Variants in CNTLN observed in about 807,000 individuals in gnomAD.
The protein encoded by CNTLN is centlein.
In CNTLN, 212 loss-of-function variants were observed where a neutral mutation model predicts 180.0. The observed-to-expected ratio is 1.18, with a 90% CI of 1.05 to 1.32. The LOEUF is 1.32. CNTLN is among the 40% of genes most tolerant of loss of function. CNTLN has a pLI of 0.00. For synonymous variants in CNTLN, 722 were observed against 563.1 expected (o/e 1.28, Z -3.99); for missense variants, 2,095 against 1,610.9 (o/e 1.30, Z -5.14).
At chr9:17,203,242 G>A (rs1822676164) in intron 2 of CNTLN, among the ~76,000 whole-genome samples, 1 of 152,156 alleles carries the variant, frequency 6.6e-6, no homozygotes, top group South Asian at 2.1e-4. Context: ...TAGGTGACCT[G>A]ACCTTTCTCT....
chr9:17,269,548 G>C (rs1827782813), intron 5 of CNTLN, among the ~76,000 whole-genome samples: 1 of 151,934 alleles, frequency 6.6e-6, no homozygotes, highest in Non-Finnish European at 1.5e-5. Context: ...AGAATGTTTT[G>C]CTTAATTTCC....
intron 12 of CNTLN, among the ~76,000 whole-genome samples, chr9:17,359,620 G>A (rs1049393681): frequency 6.7e-6 from 1 of 150,042 alleles, no homozygotes; most frequent in African/African-American, 2.5e-5. Context: ...GGTGGCTCAC[G>A]CCTGTAATCC....
intron 18 of CNTLN, among the ~76,000 whole-genome samples, chr9:17,422,603 C>G (rs1435753819): frequency 6.6e-6 from 1 of 152,100 alleles, no homozygotes; most frequent in African/African-American, 2.4e-5. Flanking sequence ...TGATAGGATT[C>G]TGAATTTTTT....
the CNTLN span, among the ~76,000 whole-genome samples, chr9:17,515,634 C>A: frequency 2.8e-3 from 421 of 152,224 alleles, 3 homozygotes; most frequent in African/African-American, 9.6e-3. Context: ...CCTGTCTCCT[C>A]TTTTTACTCA....
chr9:17,269,403 A>T (rs377378997), intron 5 of CNTLN, among the ~76,000 whole-genome samples: 5 of 152,286 alleles, frequency 3.3e-5, no homozygotes, highest in African/African-American at 4.8e-5. Context: ...TAACAGCTAT[A>T]AACTTGCCTC....
intron 2 of CNTLN, among the ~76,000 whole-genome samples, chr9:17,197,838 A>G (rs1437058293): frequency 1.3e-5 from 2 of 152,092 alleles, no homozygotes; most frequent in African/African-American, 2.4e-5. Context: ...AGTTCCCCCA[A>G]TGTTTTCTTT....
chr9:17,343,577 T>C lies in CNTLN; in HGVS notation c.1886+1133T>C, dbSNP rs1821648269. On this transcript the variant is annotated intron_variant, in intron 12 of 25. Coordinates refer to ENST00000380647, the MANE Select transcript of CNTLN (RefSeq NM_017738.4). ...GTATACTCTATTAGTTCTAAATATTTGATGCTATAATGAAGGCTCTTATCT... is the reference window on the plus strand; with the variant it reads ...GTATACTCTATTAGTTCTAAATATTCGATGCTATAATGAAGGCTCTTATCT... Among the ~76,000 whole-genome samples, 3 of 152,180 alleles carry C rather than the reference T, an allele frequency of 2.0e-5. 1 individual carries two copies. The South Asian group carries it at 6.2e-4, about 32-fold the overall frequency.
rs1199553213 is a variant in CNTLN at position 17,465,986 on chromosome 9, G to T, written c.3537G>T (p.Lys1179Asn). The T allele has an allele frequency of 1.6e-5, 25 of 1,599,922 alleles. No individual in the cohort carries two copies. The highest frequency in any genetic ancestry group is 2.1e-5 in the Non-Finnish European group (25 of 1,170,638). ...CCTTTATGCTTTTAATGTAGGTAAA[G>T]ACATTAACTGAAGAATGTTCCAACA... ...EMLQNLDKKV[K>N]TLTEECSNKK... The change falls in exon 22 of 26, where the codon AAG becomes AAT. Residue 1179 changes from lysine (K) to asparagine (N), a missense_variant. Transcript: ENST00000380647.
chr9:17,210,928 T>G (rs916361483), intron 2 of CNTLN, among the ~76,000 whole-genome samples: 8 of 152,202 alleles, frequency 5.3e-5, no homozygotes, highest in African/African-American at 1.9e-4. Context: ...TAAATTTGTT[T>G]GAGTTCATTG....
chr9:17,284,897 G>C (rs1036344535), intron 6 of CNTLN, among the ~76,000 whole-genome samples: 20 of 151,862 alleles, frequency 1.3e-4, no homozygotes, highest in African/African-American at 4.8e-4. Context: ...GGCAGTTAGT[G>C]CTATAAATTT....
chr9:17,466,915 A>T lies in CNTLN; in HGVS notation c.3855+24A>T, dbSNP rs372528680. 20 of 1,581,726 alleles carry T rather than the reference A, an allele frequency of 1.3e-5. No homozygotes were observed. In the East Asian group the frequency reaches 1.8e-4, roughly 14 times the overall value. ...AGGTTTGAATTACTTGTCGTTTACT[A>T]ACTTGTACTTTACTTTAGGCAGATA... On this transcript the variant is annotated intron_variant, in intron 23 of 25. Transcript: ENST00000380647.
chr9:17,439,263 C>T (rs1156680017), intron 18 of CNTLN, among the ~76,000 whole-genome samples: 1 of 151,902 alleles, frequency 6.6e-6, no homozygotes, highest in African/African-American at 2.4e-5. Context: ...TTTAACAGAG[C>T]AATAAAAAGT....
At chr9:17,267,975 G>A (rs982997880) in intron 5 of CNTLN, among the ~76,000 whole-genome samples, 16 of 151,904 alleles carry the variant, frequency 1.1e-4, no homozygotes, top group African/African-American at 3.9e-4. Flanking sequence ...CTTTCCCATT[G>A]GTTTGAATTT....
At chr9:17,213,830 A>G (rs1203653435) in intron 2 of CNTLN, among the ~76,000 whole-genome samples, 2 of 151,660 alleles carry the variant, frequency 1.3e-5, no homozygotes, top group Admixed American at 6.6e-5. Context: ...TTGTCTCTTG[A>G]TCTTTGTTGA....
At chr9:17,521,265 A>AAGAGAGAGAGAGG in the CNTLN span, among the ~76,000 whole-genome samples, 1 of 118,508 alleles carries the variant, frequency 8.4e-6, no homozygotes, top group African/African-American at 3.1e-5. Context: ...AAGGGAGAAA[A>AAGAGAGAGAGAGG]AGAGAGAGAG....
At chr9:17,466,970 A>G in intron 23 of CNTLN, 79 bp downstream of exon 23, 1 of 978,014 alleles carries the variant, frequency 1.0e-6, no homozygotes, top group Non-Finnish European at 1.5e-6. Flanking sequence ...TGATTTGGGG[A>G]ATAAAGTTTC....
chr9:17,387,758 A>C (rs1308304306), intron 13 of CNTLN, among the ~76,000 whole-genome samples: 1 of 152,118 alleles, frequency 6.6e-6, no homozygotes, highest in Non-Finnish European at 1.5e-5. Context: ...TTTGTTCAGC[A>C]ATCACTGTGA....
At chr9:17,479,469 A>G (rs988669272) in intron 23 of CNTLN, among the ~76,000 whole-genome samples, 7 of 152,186 alleles carry the variant, frequency 4.6e-5, no homozygotes, top group Non-Finnish European at 1.0e-4. Flanking sequence ...TTCCACTTCT[A>G]TGAGTGTTTA....
intron 19 of CNTLN, 58 bp downstream of exon 19, chr9:17,457,773 A>T (rs887768312): frequency 9.5e-7 from 1 of 1,057,856 alleles, no homozygotes; most frequent in Non-Finnish European, 1.3e-6. Context: ...CCTGCAAGAC[A>T]TATTTATATG....
Sources: allele counts gnomAD v4.1 joint callset (sites outside exome capture counted in the v4.1 genomes callset), GRCh38; gene constraint gnomAD v4.1.1; transcripts MANE v1.5; gene names NCBI Gene and HGNC (gene_info 2026-07-23, HGNC 2026-07-21).